The following MYO18A variants were observed in gnomAD, a reference collection of about 807,000 sequenced individuals.
MYO18A encodes myosin XVIIIA, also known as unconventional myosin-XVIIIa.
A neutral mutation model predicts 235.8 loss-of-function variants in MYO18A; 78 were observed. The observed-to-expected ratio is 0.33, with a 90% confidence interval of 0.28 to 0.40. MYO18A has a LOEUF of 0.40. MYO18A is among the 10% of genes least tolerant of loss of function. MYO18A has a pLI of 1.00. For synonymous variants in MYO18A, 977 were observed against 1,077.8 expected (o/e 0.91, Z 1.83); for missense variants, 2,215 against 2,699.3 (o/e 0.82, Z 3.98).
intron 2 of MYO18A, among the ~76,000 whole-genome samples, chr17:29,130,581 A>G (rs1236722813): frequency 6.6e-6 from 1 of 151,724 alleles, no homozygotes; most frequent in East Asian, 1.9e-4. Flanking sequence ...ATCAGGTGGA[A>G]GCCACAGTGC....
At chr17:29,093,173 GC>G in intron 32 of MYO18A, 149 bp downstream of exon 32, 2 of 1,058,936 alleles carry the variant, frequency 1.9e-6, no homozygotes, top group Non-Finnish European at 2.7e-6. Flanking sequence ...GTATGGTGAT[GC>G]CCCCATCCCA....
At chr17:29,128,311 C>T (rs2067375892) in intron 2 of MYO18A, 1 of 1,225,286 alleles carries the variant, frequency 8.2e-7, no homozygotes, top group South Asian at 1.4e-5. Context: ...CATTCCCAAG[C>T]TCCTCGCTGG....
intron 2 of MYO18A, among the ~76,000 whole-genome samples, chr17:29,159,390 C>G (rs2068125898): frequency 6.6e-6 from 1 of 152,170 alleles, no homozygotes; most frequent in South Asian, 2.1e-4. Flanking sequence ...AGGATTCTCA[C>G]ATGGCGAGAC....
chr17:29,144,118 G>A (rs1033058312), intron 2 of MYO18A, among the ~76,000 whole-genome samples: 6 of 152,200 alleles, frequency 3.9e-5, no homozygotes, highest in African/African-American at 1.2e-4. Flanking sequence ...TGCCCAAAGC[G>A]TGGTGGTGCA....
In MYO18A at chr17:29,109,924, C is replaced by T. The variant is rs763845502; in HGVS notation, c.3265G>A (p.Val1089Met). The change falls in exon 19 of 42, where the codon GTG (valine) becomes ATG (methionine). Residue 1089 changes from valine to methionine, a missense_variant. Coordinates refer to ENST00000527372, the MANE Select transcript of MYO18A (RefSeq NM_078471.4). This position sits in a 1 kb window ranked among gnomAD's most constrained non-coding sequence, Gnocchi z 4.1. Reference protein sequence around the residue: ...HCEAGLLQLDVPLLRTQLRGS... With the variant: ...HCEAGLLQLDMPLLRTQLRGS... ...CGGAGCTGGGTGCGGAGCAGGGGCA[C>T]GTCGAGCTGCAGGAGCCCAGCCTCG... 8.1e-6 allele frequency: 13 copies of T among 1,596,040 alleles called. No individual in the cohort carries two copies. In the East Asian group the frequency reaches 2.3e-4, roughly 28 times the overall value.
At chr17:29,149,641 T>C (rs141283699) in intron 2 of MYO18A, among the ~76,000 whole-genome samples, 36 of 152,384 alleles carry the variant, frequency 2.4e-4, no homozygotes, top group Non-Finnish European at 4.7e-4. Context: ...TAGGCAGGCA[T>C]ATGCGGCCGA....
chr17:29,090,676 C>A, intron 35 of MYO18A, 61 bp from the exon 36 acceptor site: 1 of 1,560,622 alleles, frequency 6.4e-7, no homozygotes, highest in Admixed American at 1.8e-5. Flanking sequence ...CCAGCCCAGC[C>A]CAGCTGGAAC....
intron 2 of MYO18A, chr17:29,155,427 C>G (rs1375253489): frequency 1.3e-5 from 2 of 152,540 alleles, no homozygotes; most frequent in African/African-American, 4.8e-5. Flanking sequence ...AACCTGCCGC[C>G]CTGTGTGGAC....
At chr17:29,083,726 T>C (rs981973604) in intron 40 of MYO18A, among the ~76,000 whole-genome samples, 1 of 152,174 alleles carries the variant, frequency 6.6e-6, no homozygotes, top group Non-Finnish European at 1.5e-5. Flanking sequence ...AAACTGCTAA[T>C]GCAAGCCCTG....
intron 40 of MYO18A, 66 bp from the exon 41 acceptor site, chr17:29,082,504 T>G: frequency 6.5e-7 from 1 of 1,547,204 alleles, no homozygotes. Context: ...GGGGAGCAGA[T>G]GGGGGTGCAG....
In MYO18A at chr17:29,125,649, G is replaced by A. The variant is rs1331698400; in HGVS notation, c.1000-3396C>T. On this transcript the variant is annotated intron_variant, in intron 2 of 41. Transcript: ENST00000527372. This position sits in a 1 kb window ranked among gnomAD's most constrained non-coding sequence, Gnocchi z 5.1. ...GGCAGGACAATGTGGCCAGAGAAAG[G>A]GACTGGGCCCTGAGCGAGGAGGGGT... Among the ~76,000 whole-genome samples, 2 of 152,240 alleles carry A rather than the reference G, an allele frequency of 1.3e-5. No homozygotes were observed. Among genetic ancestry groups the A allele is most frequent in the Non-Finnish European group, 2.9e-5 (2 of 68,038 alleles).
Position 29,110,519 on chromosome 17 carries a change from C to T in MYO18A, c.3004G>A (p.Ala1002Thr), listed in dbSNP as rs377527263. 6.2e-7 allele frequency: 1 copy of T among 1,606,914 alleles called. No homozygotes were observed. Among genetic ancestry groups the T allele is most frequent in the Non-Finnish European group, 8.5e-7 (1 of 1,177,078 alleles). Reference sequence around the variant, plus strand: ...GTAAAGGTTTTCCGCATGCTGGTGGCCCGGCGCAGTGCCAGCTGCGAGCCG... The same window carrying T: ...GTAAAGGTTTTCCGCATGCTGGTGGTCCGGCGCAGTGCCAGCTGCGAGCCG... ...EGGSQLALRR[A>T]TSMRKTFTTG... Residue 1002 changes from alanine to threonine, a missense_variant, in exon 18 of 42, where the codon GCC becomes ACC. Transcript: ENST00000527372.
intron 2 of MYO18A, among the ~76,000 whole-genome samples, chr17:29,138,271 C>T (rs1203388423): frequency 6.6e-6 from 1 of 152,158 alleles, no homozygotes; most frequent in Admixed American, 6.5e-5. Context: ...CAGCAGGTAA[C>T]TCTCAAGAGA....
intron 2 of MYO18A, among the ~76,000 whole-genome samples, chr17:29,135,078 G>A (rs2067564570): frequency 6.6e-6 from 1 of 151,978 alleles, no homozygotes; most frequent in Non-Finnish European, 1.5e-5. Flanking sequence ...GCACTTCAGT[G>A]GAGTTTAATA....
chr17:29,172,482 T>G (rs970316050), intron 1 of MYO18A, among the ~76,000 whole-genome samples: 2 of 150,208 alleles, frequency 1.3e-5, no homozygotes, highest in Non-Finnish European at 3.0e-5. Flanking sequence ...AAAAATTAAA[T>G]AAAAATGAAA....
rs572943431 is a variant in MYO18A at position 29,120,351 on chromosome 17, C to A, written c.1728+265G>T. Among the ~76,000 whole-genome samples the A allele has an allele frequency of 6.6e-6, 1 of 152,214 alleles. No homozygotes were observed. The highest frequency in any genetic ancestry group is 1.5e-5 in the Non-Finnish European group (1 of 68,036). On this transcript the variant is annotated intron_variant, in intron 7 of 41. Transcript: ENST00000527372. This position sits in a 1 kb window ranked among gnomAD's most constrained non-coding sequence, Gnocchi z 4.2. Reference sequence around the variant, plus strand: ...CAGAAAGTGGGAAGTAAGGCTGAGGCCCAGCAGTAGAGTTAGGACAACCCC... The same window carrying A: ...CAGAAAGTGGGAAGTAAGGCTGAGGACCAGCAGTAGAGTTAGGACAACCCC...
Position 29,111,790 on chromosome 17 carries a change from C to T in MYO18A, c.2672G>A (p.Gly891Glu). The T allele has an allele frequency of 6.2e-7, 1 of 1,613,802 alleles. No homozygotes were observed. Among genetic ancestry groups the T allele is most frequent in the South Asian group, 1.1e-5 (1 of 91,082 alleles). Residue 891 changes from glycine to glutamate, a missense_variant, in exon 16 of 42, where the codon GGG (glycine) becomes GAG (glutamate). Physicochemically the swap from Gly to Glu is moderately conservative, Grantham distance 98. Coordinates refer to ENST00000527372, the MANE Select transcript of MYO18A (RefSeq NM_078471.4). The surrounding 1 kb of genome is among the most constrained non-coding windows in gnomAD (Gnocchi z 5.1). Reference sequence around the variant, plus strand: ...CTCCAGGAGGGTGTCCTCACTGGCCCCTGGCACCAGAGCCTCCTCTTCCAA... The same window carrying T: ...CTCCAGGAGGGTGTCCTCACTGGCCTCTGGCACCAGAGCCTCCTCTTCCAA... ...WLLEEEALVP[G>E]ASEDTLLERL...
At chr17:29,095,156 G>C in intron 28 of MYO18A, 97 bp from the exon 29 acceptor site, 3 of 1,439,192 alleles carry the variant, frequency 2.1e-6, no homozygotes. Flanking sequence ...GACTCAAGCA[G>C]GGGTGGGGGG....
In MYO18A at chr17:29,074,335, C is replaced by G; in HGVS notation, c.*435G>C. ...AGGCACCAAGAAGAGAGAGCCCCCA[C>G]CCCACACGAGAGGGAAGGCACTGCT... On this transcript the variant is annotated 3_prime_UTR_variant, in exon 42 of 42. Coordinates refer to ENST00000527372, the MANE Select transcript of MYO18A (RefSeq NM_078471.4). The surrounding 1 kb of genome is among the most constrained non-coding windows in gnomAD (Gnocchi z 4.4). 1 of 808,208 alleles carries G rather than the reference C, an allele frequency of 1.2e-6. No homozygotes were observed. Among genetic ancestry groups the G allele is most frequent in the East Asian group, 2.7e-5 (1 of 36,980 alleles). 50.1% of individuals were successfully genotyped at this position (808,208 alleles called of 1,614,324 possible).
Sources: allele counts gnomAD v4.1 joint callset (sites outside exome capture counted in the v4.1 genomes callset), GRCh38; gene constraint gnomAD v4.1.1; non-coding constraint Gnocchi (gnomAD v3.1); transcripts MANE v1.5; gene names NCBI Gene and HGNC (gene_info 2026-07-23, HGNC 2026-07-21).